The following ASTN1 variants were observed in gnomAD, a reference collection of about 807,000 sequenced individuals.
ASTN1 encodes astrotactin-1.
A neutral mutation model predicts 140.7 loss-of-function variants in ASTN1; 41 were observed. The ratio of observed to expected loss-of-function variants is 0.29; its 90% CI spans 0.23 to 0.38. The LOEUF is 0.38. ASTN1 is among the 10% of genes least tolerant of loss of function. The probability of loss-of-function intolerance (pLI) is 1.00; values close to 1 mark genes in which losing one functional copy is unlikely to be tolerated. For missense variants in ASTN1, 1,479 were observed against 1,678.8 expected, an observed-to-expected ratio of 0.88 and a Z score of 2.08; for synonymous variants, 640 against 652.2, an observed-to-expected ratio of 0.98 and a Z score of 0.29.
intron 1 of ASTN1, among the ~76,000 whole-genome samples, chr1:177,163,177 T>C (rs1647488584): frequency 6.6e-6 from 1 of 152,160 alleles, no homozygotes; most frequent in African/African-American, 2.4e-5. Flanking sequence ...TTTCTGCAAA[T>C]GGAACTGTAG....
At chr1:177,041,679 G>T (rs373726449) in intron 2 of ASTN1, among the ~76,000 whole-genome samples, 5 of 152,216 alleles carry the variant, frequency 3.3e-5, no homozygotes, top group African/African-American at 1.2e-4. Flanking sequence ...TACTCCATTA[G>T]GATCAAACAT....
intron 1 of ASTN1, among the ~76,000 whole-genome samples, chr1:177,121,352 G>T (rs954044336): frequency 6.6e-6 from 1 of 152,096 alleles, no homozygotes; most frequent in Admixed American, 6.5e-5. Flanking sequence ...GGAACGAGGG[G>T]CCCTGGGGAA....
chr1:176,937,001 A>T (rs146623058), intron 14 of ASTN1, among the ~76,000 whole-genome samples: 79 of 152,326 alleles, frequency 5.2e-4, no homozygotes, highest in Non-Finnish European at 9.0e-4. Flanking sequence ...TCAAAAAAAG[A>T]TAAGGTCCCT....
At chr1:176,939,762 C>A (rs909932834) in intron 14 of ASTN1, among the ~76,000 whole-genome samples, 2 of 148,160 alleles carry the variant, frequency 1.3e-5, no homozygotes, top group Non-Finnish European at 3.0e-5. Flanking sequence ...ACTGAACAGA[C>A]TTTACGGGCA....
intron 2 of ASTN1, among the ~76,000 whole-genome samples, chr1:177,033,565 C>A (rs1676562678): frequency 6.6e-6 from 1 of 152,216 alleles, no homozygotes; most frequent in African/African-American, 2.4e-5. Flanking sequence ...TTACATCCAT[C>A]AGGAATTTAC....
At position 176,864,291 on chromosome 1, in the gene ASTN1, T is replaced by A. The variant is rs61756323; in HGVS notation, c.3878A>T (p.Glu1293Val). The A allele has an allele frequency of 1.1e-5, 17 of 1,613,876 alleles. No homozygotes were observed. The highest frequency in any genetic ancestry group is 1.4e-5 in the Non-Finnish European group (17 of 1,179,984). The change falls in exon 23 of 23, where the codon GAG becomes GTG. Residue 1293 changes from glutamate to valine, a missense_variant. Physicochemically the swap from Glu to Val is moderately radical, Grantham distance 121. This residue lies in a region of ASTN1 where 746 missense variants were observed against 800.9 expected (regional missense o/e 0.93). Transcript: ENST00000361833. ...IPYNDYGDSKEI is the reference protein window; with the variant it reads ...IPYNDYGDSKVI ...CTCCCTGGCCTTATGGTGCTAGATC[T>A]CTTTGCTGTCCCCATAGTCGTTGTA...
intron 1 of ASTN1, among the ~76,000 whole-genome samples, chr1:177,129,740 G>A (rs778764706): frequency 1.1e-4 from 16 of 152,236 alleles, no homozygotes; most frequent in Admixed American, 2.0e-4. Flanking sequence ...AGGCCGAGGC[G>A]GGCAGATCAT....
chr1:177,083,743 G>A (rs1679287970), intron 1 of ASTN1, among the ~76,000 whole-genome samples: 1 of 152,068 alleles, frequency 6.6e-6, no homozygotes, highest in African/African-American at 2.4e-5. Context: ...ACTCTCATAA[G>A]TGGACAACTA....
In ASTN1 at chr1:177,056,584, TATAC is replaced by T. The variant is rs1314323773; in HGVS notation, c.471+4490_471+4493del. Reference sequence around the variant, plus strand: ...TTTCATATATATATATATATATATATATACACATATCTCCAAAGAATTTTAGAAA... The same window carrying T: ...TTTCATATATATATATATATATATATACATATCTCCAAAGAATTTTAGAAA... On this transcript the variant is annotated intron_variant, in intron 2 of 22. Transcript: ENST00000361833. Among the ~76,000 whole-genome samples, 150 of 126,678 alleles carry T rather than the reference TATAC, an allele frequency of 1.2e-3. 1 individual carries two copies. Among genetic ancestry groups the T allele is most frequent in the African/African-American group, 3.8e-3 (137 of 36,378 alleles). 83.1% of individuals were successfully genotyped at this position (126,678 alleles called of 152,430 possible). A position where few individuals can be genotyped will look rare whatever the true frequency, so the allele number is the denominator to read the frequency against.
At chr1:177,030,632 G>T (rs941003373) in intron 4 of ASTN1, among the ~76,000 whole-genome samples, 174 bp downstream of exon 4, 7 of 152,198 alleles carry the variant, frequency 4.6e-5, no homozygotes, top group Non-Finnish European at 1.0e-4. Flanking sequence ...TTGGTCAAAA[G>T]GTTTGCACAT....
Position 176,863,739 on chromosome 1 carries a change from G to A in ASTN1, c.*545C>T, listed in dbSNP as rs1216046662. 3.0e-6 allele frequency: 3 copies of A among 986,630 alleles called. No individual in the cohort carries two copies. In the African/African-American group the frequency reaches 5.2e-5, roughly 17 times the overall value. The allele number at this position is 986,630 out of a possible 1,614,324, so 61.1% of individuals were successfully genotyped here. A position where few individuals can be genotyped will look rare whatever the true frequency, so the allele number is the denominator to read the frequency against. On this transcript the variant is annotated 3_prime_UTR_variant, in exon 23 of 23. Coordinates refer to ENST00000361833, the MANE Select transcript of ASTN1 (RefSeq NM_004319.3). ...TAGCAAGGCCTAGGAAGAAAACCAGGAGACACAGACAAGGGCCACCTTCCT... is the reference window on the plus strand; with the variant it reads ...TAGCAAGGCCTAGGAAGAAAACCAGAAGACACAGACAAGGGCCACCTTCCT...
At chr1:176,866,166 A>G (rs1454664525) in intron 22 of ASTN1, among the ~76,000 whole-genome samples, 1 of 152,192 alleles carries the variant, frequency 6.6e-6, no homozygotes, top group African/African-American at 2.4e-5. Context: ...AGCATCATCA[A>G]GAGATGACCT....
intron 1 of ASTN1, among the ~76,000 whole-genome samples, chr1:177,075,772 G>A (rs1389588315): frequency 6.6e-6 from 1 of 150,440 alleles, no homozygotes; most frequent in Non-Finnish European, 1.5e-5. Context: ...TCAGCCTCCC[G>A]AGTAGCTGGG....
Position 176,934,317 on chromosome 1 carries a change from G to C in ASTN1, c.2506C>G (p.Leu836Val). The C allele has an allele frequency of 6.2e-7, 1 of 1,613,274 alleles. No individual in the cohort carries two copies. Among genetic ancestry groups the C allele is most frequent in the African/African-American group, 1.3e-5 (1 of 75,010 alleles). Reference protein sequence around the residue: ...SQALSNALHSLDGATSRADFV... With the variant: ...SQALSNALHSVDGATSRADFV... ...TCTGCACGAGATGTAGCCCCATCCA[G>C]CGAGTGGAGAGCATTGCTGAGGGCT... Residue 836 changes from leucine to valine, a missense_variant, in exon 16 of 23, where the codon CTG becomes GTG. Transcript: ENST00000361833.
intron 1 of ASTN1, among the ~76,000 whole-genome samples, chr1:177,150,215 C>T (rs912265884): frequency 3.3e-5 from 5 of 151,992 alleles, no homozygotes; most frequent in South Asian, 2.1e-4. Flanking sequence ...TGGTTTGAAA[C>T]AGTCACTTGG....
At chr1:177,147,351 ACT>A (rs1212129137) in intron 1 of ASTN1, among the ~76,000 whole-genome samples, 1 of 152,194 alleles carries the variant, frequency 6.6e-6, no homozygotes, top group Non-Finnish European at 1.5e-5. Context: ...CTAAGTAGGT[ACT>A]CCATGCCAAA....
At chr1:177,119,998 CAGGAA>C (rs1447477644) in intron 1 of ASTN1, among the ~76,000 whole-genome samples, 1 of 152,076 alleles carries the variant, frequency 6.6e-6, no homozygotes, top group Non-Finnish European at 1.5e-5. Context: ...GTGTCAGGCT[CAGGAA>C]CTTGATAAAG....
chr1:176,857,683 T>C, downstream of ASTN1: 1 of 567,638 alleles, frequency 1.8e-6, no homozygotes, highest in Non-Finnish European at 3.2e-6. Flanking sequence ...AAAGTTTCAA[T>C]AGTTTATAAG....
Position 176,869,037 on chromosome 1 carries a change from G to A in ASTN1, c.3464-10C>T, listed in dbSNP as rs760924266. 29 of 1,560,188 alleles carry A rather than the reference G, an allele frequency of 1.9e-5. No individual in the cohort carries two copies. The East Asian group carries it at 5.9e-4, about 32-fold the overall frequency. The stretch of plus-strand genomic sequence containing the variant: ...ATCTTGTCTGCTATTTCTGAGGAAG[G>A]AGGAAAAGGAAAATAAGTTATTTAC... On this transcript the variant is annotated splice_polypyrimidine_tract_variant and intron_variant, in intron 21 of 22. Transcript: ENST00000361833.
Sources: allele counts gnomAD v4.1 joint callset (sites outside exome capture counted in the v4.1 genomes callset), GRCh38; gene constraint gnomAD v4.1.1; regional missense constraint gnomAD v4.1.1; transcripts MANE v1.5; gene names NCBI Gene and HGNC (gene_info 2026-07-23, HGNC 2026-07-21).